The following KCNQ5 variants were observed in gnomAD, a reference collection of about 807,000 sequenced individuals.
KCNQ5 encodes potassium voltage-gated channel subfamily KQT member 5.
In KCNQ5, 30 loss-of-function variants were observed where a neutral mutation model predicts 98.2. The observed-to-expected ratio is 0.31, with a 90% CI of 0.23 to 0.41. The LOEUF (loss-of-function observed/expected upper bound fraction) is 0.41. Among genes scored for constraint, KCNQ5 ranks in the 10% least tolerant of loss-of-function variants. The pLI is 1.00. For synonymous variants in KCNQ5, 458 were observed against 449.4 expected, an observed-to-expected ratio of 1.02 and a Z score of -0.24; for missense variants, 835 against 1,182.5, an observed-to-expected ratio of 0.71 and a Z score of 4.31.
At chr6:72,893,338 T>G (rs1779126621) in intron 1 of KCNQ5, among the ~76,000 whole-genome samples, 1 of 152,042 alleles carries the variant, frequency 6.6e-6, no homozygotes, top group Non-Finnish European at 1.5e-5. Flanking sequence ...AATAAGGCTA[T>G]CAAAAAGAGG....
At chr6:73,126,184 T>G (rs147421855) in intron 9 of KCNQ5, among the ~76,000 whole-genome samples, 1 of 152,198 alleles carries the variant, frequency 6.6e-6, no homozygotes, top group Admixed American at 6.5e-5. Context: ...TCTCAAAGGG[T>G]GATCTGCCTC....
At chr6:73,157,467 G>A (rs996857791) in intron 10 of KCNQ5, 4 of 690,438 alleles carry the variant, frequency 5.8e-6, no homozygotes, top group Non-Finnish European at 1.1e-5. Context: ...GCCTGTCCCG[G>A]CACCACCACA....
chr6:72,969,160 A>G (rs1767753147), intron 1 of KCNQ5, among the ~76,000 whole-genome samples: 1 of 152,192 alleles, frequency 6.6e-6, no homozygotes, highest in Admixed American at 6.6e-5. Flanking sequence ...GCCCAAACAC[A>G]ATATATGTTT....
intron 1 of KCNQ5, among the ~76,000 whole-genome samples, chr6:72,864,149 C>A (rs543966543): frequency 2.0e-5 from 3 of 152,278 alleles, no homozygotes; most frequent in African/African-American, 7.2e-5. Flanking sequence ...TTTACTTATG[C>A]TTTTTATTCC....
At chr6:72,941,585 C>CCTTCCTTCCCCCTTCCCTCCCT (rs1766299567) in intron 1 of KCNQ5, among the ~76,000 whole-genome samples, 1 of 51,256 alleles carries the variant, frequency 2.0e-5, no homozygotes. Context: ...TTCCCTCCCT[C>CCTTCCTTCCCCCTTCCCTCCCT]CCTTCCTTCC....
At chr6:73,044,476 A>G (rs185732157) in intron 3 of KCNQ5, among the ~76,000 whole-genome samples, 1 of 152,316 alleles carries the variant, frequency 6.6e-6, no homozygotes, top group African/African-American at 2.4e-5. Context: ...TGAATTTTTT[A>G]GTCTTTTATT....
In KCNQ5 at chr6:73,195,958, A is replaced by G. The variant is rs1765777467; in HGVS notation, c.*544A>G. The G allele has an allele frequency of 6.5e-6, 1 of 154,716 alleles. No individual in the cohort carries two copies. 9.6% of individuals were successfully genotyped at this position (154,716 alleles called of 1,614,324 possible). Reference sequence around the variant, plus strand: ...TATTCAGTCATTTTATTATTAATGTAATTTGAATGTCAATTTGTGTGCTTT... The same window carrying G: ...TATTCAGTCATTTTATTATTAATGTGATTTGAATGTCAATTTGTGTGCTTT... On this transcript the variant is annotated 3_prime_UTR_variant, in exon 14 of 14. Coordinates refer to ENST00000370398, the MANE Select transcript of KCNQ5 (RefSeq NM_019842.4).
intron 2 of KCNQ5, among the ~76,000 whole-genome samples, chr6:73,039,662 T>A (rs529026848): frequency 6.6e-6 from 1 of 152,200 alleles, no homozygotes; most frequent in African/African-American, 2.4e-5. Context: ...TTTTATTCCA[T>A]TGTGGCTTGA....
chr6:72,817,654 G>A lies in KCNQ5; in HGVS notation c.399-186254G>A, dbSNP rs1775562362. Among the ~76,000 whole-genome samples the A allele has an allele frequency of 2.6e-5, 4 of 152,180 alleles. No homozygotes were observed. The South Asian group carries it at 8.3e-4, about 32-fold the overall frequency. On this transcript the variant is annotated intron_variant, in intron 1 of 13. Coordinates refer to ENST00000370398, the MANE Select transcript of KCNQ5 (RefSeq NM_019842.4). ...CATGCCTGTAATCCCAGCACTTTGG[G>A]AGGCGGAGGTGGGTGGATCACTTGA...
chr6:73,122,572 A>G (rs79091701), intron 8 of KCNQ5, among the ~76,000 whole-genome samples: 1,950 of 152,296 alleles, frequency 0.013, 44 homozygotes, highest in African/African-American at 0.045. Context: ...CATTGAATGA[A>G]GAACAGTTAT....
intron 1 of KCNQ5, among the ~76,000 whole-genome samples, chr6:72,831,741 T>A (rs199886531): frequency 5.7e-4 from 51 of 90,134 alleles, no homozygotes; most frequent in East Asian, 5.4e-3. Flanking sequence ...AAAAAAAAAA[T>A]AAAATAAAAT....
intron 11 of KCNQ5, among the ~76,000 whole-genome samples, chr6:73,177,408 A>AT (rs1424341078): frequency 1.3e-5 from 2 of 152,196 alleles, no homozygotes; most frequent in Admixed American, 6.5e-5. Flanking sequence ...CCTGAGGTGG[A>AT]TATGCAAATC....
intron 1 of KCNQ5, among the ~76,000 whole-genome samples, chr6:72,634,524 A>G (rs2098922853): frequency 6.6e-6 from 1 of 152,162 alleles, no homozygotes; most frequent in South Asian, 2.1e-4. Flanking sequence ...ATAGGGCATT[A>G]TGCCCAGGTT....
chr6:73,119,457 T>C (rs555285533), intron 7 of KCNQ5, among the ~76,000 whole-genome samples: 2 of 152,372 alleles, frequency 1.3e-5, no homozygotes, highest in South Asian at 4.1e-4. Flanking sequence ...GGTGTAATTA[T>C]ATGAAATGGA....
intron 10 of KCNQ5, among the ~76,000 whole-genome samples, chr6:73,164,662 A>G (rs1449048276): frequency 1.3e-5 from 2 of 152,234 alleles, no homozygotes; most frequent in Admixed American, 1.3e-4. Context: ...TTTTGTGCTT[A>G]TTGTGACAGT....
intron 1 of KCNQ5, among the ~76,000 whole-genome samples, chr6:72,753,861 T>C (rs748027268): frequency 9.2e-5 from 14 of 152,266 alleles, no homozygotes; most frequent in Middle Eastern, 6.8e-3. Flanking sequence ...GTTTTACATA[T>C]ATTTTCTCTA....
chr6:72,965,303 C>T (rs1033704555), intron 1 of KCNQ5, among the ~76,000 whole-genome samples: 3 of 152,220 alleles, frequency 2.0e-5, no homozygotes, highest in Admixed American at 2.0e-4. Context: ...TATTAAATAA[C>T]GTATCATTAA....
rs538356427 is a variant in KCNQ5 at position 73,175,399 on chromosome 6, C to G, written c.1577+5545C>G. ...TCTCGACCTCAGGTGATCTGCCCCC[C>G]CCTTGGCTTCCCTAAGTGCTGGGAT... On this transcript the variant is annotated intron_variant, in intron 11 of 13. Coordinates refer to ENST00000370398, the MANE Select transcript of KCNQ5 (RefSeq NM_019842.4). 1.0e-3 allele frequency among the ~76,000 whole-genome samples: 159 copies of G among 152,206 alleles called. 1 individual carries two copies. Among genetic ancestry groups the G allele is most frequent in the African/African-American group, 3.2e-3 (131 of 41,534 alleles).
intron 1 of KCNQ5, among the ~76,000 whole-genome samples, chr6:72,775,431 TA>T (rs1220002865): frequency 6.6e-6 from 1 of 152,186 alleles, no homozygotes; most frequent in African/African-American, 2.4e-5. Context: ...AGTGATTGAA[TA>T]AATTAATCAG....
Sources: gnomAD v4.1 joint callset for allele counts (sites outside exome capture counted in the v4.1 genomes callset) on GRCh38, gnomAD v4.1.1 for gene constraint, MANE v1.5 for transcripts, NCBI Gene and HGNC (gene_info 2026-07-23, HGNC 2026-07-21) for gene names.